The following ZC3H13 variants were observed in gnomAD, a reference collection of about 807,000 sequenced individuals.
The protein encoded by ZC3H13 is zinc finger CCCH-type containing 13.
In ZC3H13, 64 loss-of-function variants were observed where a neutral mutation model predicts 204.1. The observed-to-expected ratio is 0.31, with a 90% CI of 0.26 to 0.39. The LOEUF is 0.39. ZC3H13 is among the 10% of genes least tolerant of loss of function. The probability of loss-of-function intolerance (pLI) is 1.00; values close to 1 mark genes in which losing one functional copy is unlikely to be tolerated. For synonymous variants in ZC3H13, 667 were observed against 693.7 expected, an observed-to-expected ratio of 0.96 and a Z score of 0.60; for missense variants, 1,833 against 2,082.7, an observed-to-expected ratio of 0.88 and a Z score of 2.33.
At chr13:45,993,067 T>C (rs960243876) in intron 8 of ZC3H13, among the ~76,000 whole-genome samples, 2 of 151,996 alleles carry the variant, frequency 1.3e-5, no homozygotes, top group African/African-American at 4.8e-5. Context: ...GACTAATACA[T>C]CGAGGGAGGA....
Position 45,956,355 on chromosome 13 carries a change from A to C in ZC3H13, c.*772T>G, listed in dbSNP as rs1477048723. On this transcript the variant is annotated 3_prime_UTR_variant, in exon 19 of 19. Transcript: ENST00000679008. ...CCAACAATAAGGACACAAGCAGTAA[A>C]ATATCTGAAGCATGAAACATGTAAT... 1 of 152,184 alleles carries C rather than the reference A, an allele frequency of 6.6e-6. No homozygotes were observed. Among genetic ancestry groups the C allele is most frequent in the African/African-American group, 2.4e-5 (1 of 41,450 alleles). 9.4% of individuals were successfully genotyped at this position (152,184 alleles called of 1,614,324 possible).
In ZC3H13 at chr13:45,985,567, C is replaced by T; in HGVS notation, c.1450G>A (p.Asp484Asn). ...CTCTCTTTGGTATCTCTGCTATAATCTCTCATCTCCCTTGAGTCCCGCATG... is the reference window on the plus strand; with the variant it reads ...CTCTCTTTGGTATCTCTGCTATAATTTCTCATCTCCCTTGAGTCCCGCATG... ...RDMRDSREMRDYSRDTKESRD... is the reference protein window; with the variant it reads ...RDMRDSREMRNYSRDTKESRD... The change falls in exon 10 of 19, where the codon GAT becomes AAT. Residue 484 changes from aspartate (D) to asparagine (N), a missense_variant. Coordinates refer to ENST00000679008, the MANE Select transcript of ZC3H13 (RefSeq NM_001330564.2). The T allele has an allele frequency of 6.2e-7, 1 of 1,614,104 alleles. No individual in the cohort carries two copies. The highest frequency in any genetic ancestry group is 8.5e-7 in the Non-Finnish European group (1 of 1,180,022).
chr13:45,987,646 G>C (rs1416402286), intron 9 of ZC3H13, among the ~76,000 whole-genome samples: 1 of 151,974 alleles, frequency 6.6e-6, no homozygotes, highest in Non-Finnish European at 1.5e-5. Flanking sequence ...ACTGATTATT[G>C]CTTGCATTGT....
At chr13:45,963,556 G>A (rs1012696999) in intron 17 of ZC3H13, 1 of 1,141,740 alleles carries the variant, frequency 8.8e-7, no homozygotes, top group African/African-American at 1.6e-5. Context: ...CTGAGTAGCT[G>A]TGACTACAGA....
chr13:45,988,234 A>C (rs2039693263), intron 9 of ZC3H13, among the ~76,000 whole-genome samples: 1 of 152,160 alleles, frequency 6.6e-6, no homozygotes, highest in South Asian at 2.1e-4. Context: ...GTACTTACTC[A>C]GCAGAACATC....
chr13:45,965,365 C>T lies in ZC3H13; in HGVS notation c.4389G>A (p.Glu1463=). The T allele has an allele frequency of 2.5e-6, 4 of 1,613,676 alleles. No individual in the cohort carries two copies. Among genetic ancestry groups the T allele is most frequent in the Non-Finnish European group, 3.4e-6 (4 of 1,179,762 alleles). The change falls in exon 16 of 19, where the codon GAG becomes GAA. Residue 1463 remains glutamate (E), a synonymous_variant. Transcript: ENST00000679008. Reference sequence around the variant, plus strand: ...CATCTAGTTCGTCATCACTGATTGGCTCGTATCCTTCTCCAGCACCAGAGC... The same window carrying T: ...CATCTAGTTCGTCATCACTGATTGGTTCGTATCCTTCTCCAGCACCAGAGC... ...SLGSGAGEGY[E]PISDDELDEI...
Position 45,968,025 on chromosome 13 carries a change from C to A in ZC3H13, c.3800G>T (p.Arg1267Leu). ...GEPSRSTSSD[R>L]QDSRSHSSRR... The stretch of plus-strand genomic sequence containing the variant: ...TGAACTATGGCTTCTTGAATCCTGG[C>A]GATCTAAAATAAATATACCATATAT... The change falls in exon 15 of 19, where the codon CGC becomes CTC. Residue 1267 changes from arginine (R) to leucine (L), a missense_variant. Coordinates refer to ENST00000679008, the MANE Select transcript of ZC3H13 (RefSeq NM_001330564.2). 1.3e-6 allele frequency: 2 copies of A among 1,579,258 alleles called. No individual in the cohort carries two copies. Among genetic ancestry groups the A allele is most frequent in the South Asian group, 1.2e-5 (1 of 84,434 alleles).
At chr13:45,963,146 CTT>C (rs1951813374) in intron 17 of ZC3H13, 4 of 968,564 alleles carry the variant, frequency 4.1e-6, no homozygotes, top group Non-Finnish European at 4.9e-6. Flanking sequence ...TTATTCCTGA[CTT>C]ACAGATGATG....
intron 10 of ZC3H13, among the ~76,000 whole-genome samples, chr13:45,981,594 C>A (rs1566197664): frequency 6.6e-6 from 1 of 152,182 alleles, no homozygotes; most frequent in Admixed American, 6.5e-5. Context: ...AGTTTACAGT[C>A]CCACCAACAG....
chr13:45,980,049 T>C, intron 10 of ZC3H13, 45 bp from the exon 11 acceptor site: 1 of 1,491,846 alleles, frequency 6.7e-7, no homozygotes, highest in South Asian at 1.4e-5. Flanking sequence ...ATACACTTTA[T>C]TCAACAAATT....
intron 7 of ZC3H13, among the ~76,000 whole-genome samples, chr13:46,004,536 A>G (rs1425789173): frequency 6.6e-6 from 1 of 152,070 alleles, no homozygotes; most frequent in African/African-American, 2.4e-5. Context: ...TAAGACTCTA[A>G]CTCAAAATAA....
intron 4 of ZC3H13, among the ~76,000 whole-genome samples, chr13:46,035,318 C>G (rs2043146295): frequency 6.6e-6 from 1 of 152,146 alleles, no homozygotes; most frequent in Non-Finnish European, 1.5e-5. Context: ...AAAAGACATC[C>G]CTGCTGTGCC....
chr13:45,987,724 C>T (rs548547213), intron 9 of ZC3H13, among the ~76,000 whole-genome samples: 5 of 152,234 alleles, frequency 3.3e-5, no homozygotes, highest in Middle Eastern at 3.4e-3. Context: ...CACCAAGAGG[C>T]GCTTAAAGTG....
At chr13:46,028,583 T>G (rs943551849) in intron 4 of ZC3H13, among the ~76,000 whole-genome samples, 5 of 152,010 alleles carry the variant, frequency 3.3e-5, no homozygotes, top group African/African-American at 1.2e-4. Context: ...ACTTAACAAA[T>G]GTAAAAGAAA....
At chr13:45,968,144 T>C in intron 14 of ZC3H13, 116 bp from the exon 15 acceptor site, 2 of 1,053,510 alleles carry the variant, frequency 1.9e-6, no homozygotes. Context: ...TCTATGTAAC[T>C]TTCTATGTTC....
chr13:46,031,231 A>T (rs112825401), intron 4 of ZC3H13, among the ~76,000 whole-genome samples: 8 of 152,220 alleles, frequency 5.3e-5, no homozygotes, highest in East Asian at 3.9e-4. Context: ...AAATGCAAAA[A>T]AAATAAATAA....
chr13:46,037,497 T>C (rs1305464279), intron 4 of ZC3H13, among the ~76,000 whole-genome samples: 1 of 152,256 alleles, frequency 6.6e-6, no homozygotes, highest in Non-Finnish European at 1.5e-5. Context: ...GGGTCTAATT[T>C]TGCTTTCAAA....
chr13:45,960,557 G>A (rs1015367283), intron 17 of ZC3H13, among the ~76,000 whole-genome samples: 1 of 152,146 alleles, frequency 6.6e-6, no homozygotes, highest in East Asian at 1.9e-4. Flanking sequence ...GTCACAACAT[G>A]CAAGGTAGGG....
intron 4 of ZC3H13, among the ~76,000 whole-genome samples, chr13:46,037,248 T>C (rs1025143648): frequency 6.6e-6 from 1 of 152,096 alleles, no homozygotes; most frequent in African/African-American, 2.4e-5. Context: ...CAAAGATCAA[T>C]AAAGAAAAAT....
Sources: gnomAD v4.1 joint callset for allele counts (sites outside exome capture counted in the v4.1 genomes callset) on GRCh38, gnomAD v4.1.1 for gene constraint, MANE v1.5 for transcripts, NCBI Gene and HGNC (gene_info 2026-07-23, HGNC 2026-07-21) for gene names.